The following TENM4 variants were observed in gnomAD, a reference collection of about 807,000 sequenced individuals.
The protein encoded by TENM4 is teneurin transmembrane protein 4.
A neutral mutation model predicts 243.3 loss-of-function variants in TENM4; 82 were observed. The ratio of observed to expected loss-of-function variants is 0.34; its 90% CI spans 0.28 to 0.40. TENM4 has a LOEUF of 0.40. Among genes scored for constraint, TENM4 ranks in the 10% least tolerant of loss-of-function variants. The pLI, the probability that TENM4 is intolerant of heterozygous loss-of-function variation, is 1.00. For synonymous variants in TENM4, 1,412 were observed against 1,456.3 expected, an observed-to-expected ratio of 0.97 and a Z score of 0.69; for missense variants, 3,138 against 3,673.3, an observed-to-expected ratio of 0.85 and a Z score of 3.77.
chr11:78,775,235 C>A (rs1232881945), intron 17 of TENM4, among the ~76,000 whole-genome samples: 1 of 152,218 alleles, frequency 6.6e-6, no homozygotes, highest in African/African-American at 2.4e-5. Context: ...TTCCATGGAA[C>A]CCCCTCTGGG....
chr11:78,663,066 C>T (rs59439363), intron 32 of TENM4, among the ~76,000 whole-genome samples: 3 of 152,072 alleles, frequency 2.0e-5, no homozygotes, highest in Non-Finnish European at 4.4e-5. Context: ...TGACTGTGGC[C>T]GGAGCAAGAA....
rs532627479 is a variant in TENM4 at position 78,669,774 on chromosome 11, G to A, written c.6571C>T (p.Arg2191Cys). The part of the protein sequence containing the change: ...LKVGPYANTT[R>C]YSYEYDADGQ... ...TCAGCATCATACTCATAGGAGTAGC[G>A]AGTGGTATTGGCGTAGGGTCCTACC... Residue 2191 changes from arginine to cysteine, a missense_variant, in exon 32 of 34, where the codon CGC becomes TGC. Around this residue, in one of 2 missense-constraint regions of TENM4, gnomAD observed 2,467 missense variants for 3,059.1 expected, o/e 0.81. Coordinates refer to ENST00000278550, the MANE Select transcript of TENM4 (RefSeq NM_001098816.3). The surrounding 1 kb of genome is among the most constrained non-coding windows in gnomAD (Gnocchi z 6.4). The A allele has an allele frequency of 1.1e-5, 17 of 1,613,854 alleles. No homozygotes were observed. The highest frequency in any genetic ancestry group is 5.3e-5 in the African/African-American group (4 of 74,902).
intron 6 of TENM4, among the ~76,000 whole-genome samples, chr11:78,995,230 T>G (rs1230695625): frequency 6.6e-6 from 1 of 152,196 alleles, no homozygotes; most frequent in Non-Finnish European, 1.5e-5. Context: ...CTGAAAACTG[T>G]AAGCATCTCA....
rs574100217 is a variant in TENM4, at chr11:79,379,593, C to A, written c.-321+60916G>T. Reference sequence around the variant, plus strand: ...GCTTGGCACTGTACAAAGCACTGAGCATCCACTATTTTATATGCTCCTTCT... The same window carrying A: ...GCTTGGCACTGTACAAAGCACTGAGAATCCACTATTTTATATGCTCCTTCT... On this transcript the variant is annotated intron_variant, in intron 1 of 33. Transcript: ENST00000278550. 2.0e-5 allele frequency among the ~76,000 whole-genome samples: 3 copies of A among 152,296 alleles called. 1 individual carries two copies. Among genetic ancestry groups the A allele is most frequent in the African/African-American group, 7.2e-5 (3 of 41,580 alleles).
chr11:79,321,507 G>A (rs1019705464), intron 1 of TENM4, among the ~76,000 whole-genome samples: 8 of 152,188 alleles, frequency 5.3e-5, no homozygotes, highest in Non-Finnish European at 7.4e-5. Flanking sequence ...CACAGGAAAG[G>A]GGGAGGGGGC....
chr11:79,078,020 C>T (rs1049185927), intron 4 of TENM4, among the ~76,000 whole-genome samples: 1 of 152,148 alleles, frequency 6.6e-6, no homozygotes, highest in Non-Finnish European at 1.5e-5. Context: ...AACCTGGCCC[C>T]TTCACATGGG....
intron 6 of TENM4, among the ~76,000 whole-genome samples, chr11:78,943,748 A>T (rs554400071): frequency 6.6e-6 from 1 of 152,234 alleles, no homozygotes; most frequent in Non-Finnish European, 1.5e-5. Flanking sequence ...AAGAATCTTG[A>T]TGACAAAATC....
intron 6 of TENM4, among the ~76,000 whole-genome samples, chr11:79,050,636 C>T (rs899636894): frequency 6.6e-6 from 1 of 152,210 alleles, no homozygotes; most frequent in Non-Finnish European, 1.5e-5. Context: ...TTGTTCCATA[C>T]ACTTATTTCC....
intron 6 of TENM4, among the ~76,000 whole-genome samples, chr11:78,956,809 T>C (rs906312106): frequency 3.3e-5 from 5 of 152,188 alleles, no homozygotes; most frequent in African/African-American, 1.2e-4. Flanking sequence ...TAAAATCCCA[T>C]GAGTATAAGT....
intron 7 of TENM4, among the ~76,000 whole-genome samples, chr11:78,893,638 C>T (rs1261567896): frequency 6.6e-6 from 1 of 152,070 alleles, no homozygotes; most frequent in African/African-American, 2.4e-5. Flanking sequence ...TGAATCAGAA[C>T]CCTCCTGAAA....
Position 78,712,651 on chromosome 11 carries a change from A to G in TENM4, c.3885T>C (p.Ser1295=). 3 of 1,614,024 alleles carry G rather than the reference A, an allele frequency of 1.9e-6. No individual in the cohort carries two copies. The highest frequency in any genetic ancestry group is 2.5e-6 in the Non-Finnish European group (3 of 1,179,892). The change falls in exon 26 of 34, where the codon TCT becomes TCC. Residue 1295 remains serine (S), a synonymous_variant. Transcript: ENST00000278550. Reference sequence around the variant, plus strand: ...TAAAGACCCGCCGGCTGTTGCTGTCAGAAAGGAAGACGGCCCCACTCATGG... The same window carrying G: ...TAAAGACCCGCCGGCTGTTGCTGTCGGAAAGGAAGACGGCCCCACTCATGG... ...TDPMSGAVFL[S]DSNSRRVFKI...
chr11:78,828,928 C>T (rs1382629150), intron 12 of TENM4, among the ~76,000 whole-genome samples: 1 of 152,244 alleles, frequency 6.6e-6, no homozygotes, highest in Non-Finnish European at 1.5e-5. Context: ...CCTAAAGGGC[C>T]AGTTCCTCCC....
At chr11:79,086,438 G>A (rs1011856678) in intron 4 of TENM4, among the ~76,000 whole-genome samples, 1 of 152,216 alleles carries the variant, frequency 6.6e-6, no homozygotes, top group Non-Finnish European at 1.5e-5. Flanking sequence ...GCATTTTAGG[G>A]TGATATGTTA....
chr11:78,876,376 G>T (rs952655293), intron 9 of TENM4, among the ~76,000 whole-genome samples: 44 of 152,334 alleles, frequency 2.9e-4, no homozygotes, highest in African/African-American at 1.0e-3. Context: ...GAGGCCCATA[G>T]ATAGGTAAAA....
intron 2 of TENM4, among the ~76,000 whole-genome samples, chr11:79,278,556 C>T (rs7110885): frequency 0.071 from 10,734 of 152,242 alleles, 820 homozygotes; most frequent in African/African-American, 0.19. Context: ...CTCCAGACAT[C>T]GGAAGAGCTT....
chr11:79,330,050 G>T (rs1336842818), intron 1 of TENM4, among the ~76,000 whole-genome samples: 1 of 152,200 alleles, frequency 6.6e-6, no homozygotes, highest in East Asian at 1.9e-4. Context: ...ATGGTGTGTT[G>T]TTAAGTGCTT....
chr11:79,319,963 T>C (rs111647341), intron 1 of TENM4, among the ~76,000 whole-genome samples: 15 of 152,288 alleles, frequency 9.8e-5, no homozygotes, highest in African/African-American at 3.4e-4. Context: ...CTACCAGTGA[T>C]TAATTTGGCT....
chr11:79,293,859 G>A lies in TENM4; in HGVS notation c.-265+3629C>T, dbSNP rs76849324. On this transcript the variant is annotated intron_variant, in intron 2 of 33. Transcript: ENST00000278550. ...CAATGGGGTTTCTGGCAAGAACCAG[G>A]CAGAATGTTCTAAATAGGGCAGGCC... 2.8e-3 allele frequency among the ~76,000 whole-genome samples: 425 copies of A among 152,332 alleles called. 3 individuals are homozygous for A. Among genetic ancestry groups the A allele is most frequent in the African/African-American group, 9.9e-3 (412 of 41,582 alleles).
rs1175642672 is a variant in TENM4 at position 79,156,851 on chromosome 11, G to A, written c.-162-8045C>T. 3.9e-5 allele frequency among the ~76,000 whole-genome samples: 6 copies of A among 152,138 alleles called. No individual in the cohort carries two copies. In the East Asian group the frequency reaches 1.2e-3, roughly 29 times the overall value. On this transcript the variant is annotated intron_variant, in intron 3 of 33. Transcript: ENST00000278550. ...TTAAGGAAGCACAAGGATCAAATAT[G>A]CCCCCAAGTAACTTTGAGTCTGGTG...
Sources: allele counts gnomAD v4.1 joint callset (sites outside exome capture counted in the v4.1 genomes callset), GRCh38; gene constraint gnomAD v4.1.1; regional missense constraint gnomAD v4.1.1; non-coding constraint Gnocchi (gnomAD v3.1); transcripts MANE v1.5; gene names NCBI Gene and HGNC (gene_info 2026-07-23, HGNC 2026-07-21).